The following NF1 variants were observed in gnomAD, a reference collection of about 807,000 sequenced individuals.
NF1 encodes the protein neurofibromin.
Under a neutral mutation model 325.7 loss-of-function variants are expected in NF1, and 122 were observed. The ratio of observed to expected loss-of-function variants is 0.37; its 90% CI spans 0.32 to 0.44. The LOEUF is 0.44. NF1 is among the 20% of genes least tolerant of loss of function. The pLI is 1.00. For missense variants in NF1, 2,140 were observed against 3,415.4 expected (o/e 0.63, Z 9.31); for synonymous variants, 1,091 against 1,186.0 (o/e 0.92, Z 1.65).
chr17:31,118,021 G>A (rs1914100774), intron 1 of NF1, among the ~76,000 whole-genome samples: 1 of 152,302 alleles, frequency 6.6e-6, no homozygotes, highest in Middle Eastern at 3.4e-3. Context: ...ATTGAATTAT[G>A]CTTTCAAATA....
chr17:31,173,055 G>A (rs2065958694), intron 5 of NF1, among the ~76,000 whole-genome samples: 1 of 152,102 alleles, frequency 6.6e-6, no homozygotes, highest in South Asian at 2.1e-4. Context: ...GCTAAGGTGG[G>A]CGGATCACTG....
intron 29 of NF1, among the ~76,000 whole-genome samples, chr17:31,241,259 T>C (rs2067291313): frequency 6.6e-6 from 1 of 152,178 alleles, no homozygotes; most frequent in South Asian, 2.1e-4. Flanking sequence ...GGCAACAGAT[T>C]GTTGGGTCAT....
rs981411304 is a variant in NF1, at chr17:31,350,414, A to G, written c.7457+96A>G. On this transcript the variant is annotated intron_variant, in intron 50 of 57. Coordinates refer to ENST00000358273, the MANE Select transcript of NF1 (RefSeq NM_001042492.3). ...GCAGCAGAGTAATCTAGAAGGTAACATGGGAGAAATCTAGAGATGGCCTAG... is the reference window on the plus strand; with the variant it reads ...GCAGCAGAGTAATCTAGAAGGTAACGTGGGAGAAATCTAGAGATGGCCTAG... The G allele has an allele frequency of 1.0e-5, 11 of 1,065,738 alleles. No homozygotes were observed. In the African/African-American group the frequency reaches 1.1e-4, roughly 11 times the overall value. 66.0% of individuals were successfully genotyped at this position (1,065,738 alleles called of 1,614,324 possible). A position where few individuals can be genotyped will look rare whatever the true frequency, so the allele number is the denominator to read the frequency against.
Position 31,118,453 on chromosome 17 carries a change from C to G in NF1, c.60+23084C>G, listed in dbSNP as rs191967541. On this transcript the variant is annotated intron_variant, in intron 1 of 57. Coordinates refer to ENST00000358273, the MANE Select transcript of NF1 (RefSeq NM_001042492.3). ...CTATCCCTCCCCTAAACCCCCACCC[C>G]GCAACAGGCCCAGTGTGTGATGTTC... is the stretch of plus-strand genomic sequence containing the variant. 3.2e-3 allele frequency among the ~76,000 whole-genome samples: 485 copies of G among 152,236 alleles called. 8 individuals carry two copies. The highest frequency in any genetic ancestry group is 0.011 in the African/African-American group (456 of 41,522).
intron 36 of NF1, among the ~76,000 whole-genome samples, chr17:31,309,872 C>T (rs976053570): frequency 2.6e-5 from 4 of 152,158 alleles, no homozygotes; most frequent in Non-Finnish European, 4.4e-5. Flanking sequence ...AAACCAAATT[C>T]CATTTTTTGC....
chr17:31,116,986 TTTA>T (rs1040548239), intron 1 of NF1, among the ~76,000 whole-genome samples: 145 of 151,364 alleles, frequency 9.6e-4, no homozygotes, highest in African/African-American at 3.5e-3. Flanking sequence ...TCATTTTATT[TTTA>T]TTATTATTTT....
At chr17:31,123,574 C>T (rs919800123) in intron 1 of NF1, among the ~76,000 whole-genome samples, 1 of 152,094 alleles carries the variant, frequency 6.6e-6, no homozygotes, top group Non-Finnish European at 1.5e-5. Context: ...CATGAGCCAC[C>T]GCACTGGCCA....
chr17:31,099,947 A>G (rs1912156168), intron 1 of NF1, among the ~76,000 whole-genome samples: 1 of 151,160 alleles, frequency 6.6e-6, no homozygotes, highest in African/African-American at 2.4e-5. Flanking sequence ...TGTATGCCCC[A>G]CTGGTTCCTG....
Position 31,340,805 on chromosome 17 carries a change from G to T in NF1, c.7062+160G>T, listed in dbSNP as rs931768442. On this transcript the variant is annotated intron_variant, in intron 47 of 57. Transcript: ENST00000358273. Reference sequence around the variant, plus strand: ...GTATATTTCCTTACCAGCTCATAAAGAACTATGTAAACTTGAATGCATATT... The same window carrying T: ...GTATATTTCCTTACCAGCTCATAAATAACTATGTAAACTTGAATGCATATT... Among the ~76,000 whole-genome samples, 4 of 131,652 alleles carry T rather than the reference G, an allele frequency of 3.0e-5. No homozygotes were observed. The East Asian group carries it at 8.7e-4, about 29-fold the overall frequency. 86.4% of individuals were successfully genotyped at this position (131,652 alleles called of 152,430 possible).
chr17:31,103,829 A>G (rs900677859), intron 1 of NF1, among the ~76,000 whole-genome samples: 1 of 152,236 alleles, frequency 6.6e-6, no homozygotes, highest in Non-Finnish European at 1.5e-5. Context: ...AAACAAATAA[A>G]AAAAAAATCA....
rs1344104003 is a variant in NF1 at position 31,360,485 on chromosome 17, A to G, written c.8161-2A>G. 6.2e-7 allele frequency: 1 copy of G among 1,613,688 alleles called. No homozygotes were observed. Among genetic ancestry groups the G allele is most frequent in the Non-Finnish European group, 8.5e-7 (1 of 1,179,596 alleles). On this transcript the variant is annotated splice_acceptor_variant, in intron 56 of 57. Transcript: ENST00000358273. LOFTEE classifies it high-confidence loss of function. ...AAAATAATTTCCTATTTTCCATTAC[A>G]GCAAACACAAATTCCAGACTATGCT...
chr17:31,294,852 TA>T (rs774417057), intron 36 of NF1: 26 of 926,064 alleles, frequency 2.8e-5, no homozygotes, highest in Non-Finnish European at 3.9e-5. Context: ...TTCTTTTATT[TA>T]AGACAAGTTA....
At chr17:31,259,210 C>A (rs2067641923) in intron 33 of NF1, 81 bp downstream of exon 33, 1 of 936,818 alleles carries the variant, frequency 1.1e-6, no homozygotes, top group Non-Finnish European at 1.7e-6. Flanking sequence ...ACCTGTTTTA[C>A]ATGAAGTTCC....
chr17:31,275,625 T>C (rs548423907), intron 36 of NF1, among the ~76,000 whole-genome samples: 1 of 152,354 alleles, frequency 6.6e-6, no homozygotes, highest in Non-Finnish European at 1.5e-5. Context: ...TGAGGGGTCT[T>C]GGAACATATC....
chr17:31,140,782 AAAG>A (rs1489651824), intron 1 of NF1, among the ~76,000 whole-genome samples: 1 of 152,214 alleles, frequency 6.6e-6, no homozygotes, highest in African/African-American at 2.4e-5. Flanking sequence ...CAGCCTTTAA[AAAG>A]AAGGATATTC....
chr17:31,119,791 G>T (rs895206203), intron 1 of NF1, among the ~76,000 whole-genome samples: 1 of 152,078 alleles, frequency 6.6e-6, no homozygotes, highest in South Asian at 2.1e-4. Flanking sequence ...TTTGTATAAG[G>T]TATAACAAAA....
chr17:31,293,411 A>G (rs567107962), intron 36 of NF1, among the ~76,000 whole-genome samples: 2 of 152,222 alleles, frequency 1.3e-5, no homozygotes, highest in East Asian at 1.9e-4. Flanking sequence ...TTTTTCAAAT[A>G]ATCCTGTTTC....
At chr17:31,262,782 A>G (rs1351441735) in intron 35 of NF1, among the ~76,000 whole-genome samples, 1 of 152,208 alleles carries the variant, frequency 6.6e-6, no homozygotes, top group Non-Finnish European at 1.5e-5. Context: ...TAGCTCTACT[A>G]GATTTTTTTT....
intron 1 of NF1, among the ~76,000 whole-genome samples, chr17:31,122,623 C>T (rs898420624): frequency 5.9e-5 from 9 of 152,138 alleles, no homozygotes; most frequent in Admixed American, 3.9e-4. Context: ...TTAGTTGTGT[C>T]TACTTATGGG....
Sources: gnomAD v4.1 joint callset for allele counts (sites outside exome capture counted in the v4.1 genomes callset) on GRCh38, gnomAD v4.1.1 for gene constraint, MANE v1.5 for transcripts, NCBI Gene and HGNC (gene_info 2026-07-23, HGNC 2026-07-21) for gene names.